The following EXOSC7 variants were observed in gnomAD, a reference collection of about 807,000 sequenced individuals.
The protein encoded by EXOSC7 is exosome component 7.
EXOSC7 carries 25 observed loss-of-function variants against 34.3 expected under a neutral mutation model. The ratio of observed to expected loss-of-function variants is 0.73; its 90% CI spans 0.53 to 1.02. EXOSC7 has a LOEUF of 1.02. Ranked by LOEUF, EXOSC7 falls within the 50% of genes least tolerant of loss-of-function variation. The pLI, the probability that EXOSC7 is intolerant of heterozygous loss-of-function variation, is 0.00. For missense variants in EXOSC7, 370 were observed against 368.5 expected (o/e 1.00, Z -0.03); for synonymous variants, 130 against 143.0 (o/e 0.91, Z 0.65).
intron 1 of EXOSC7, among the ~76,000 whole-genome samples, chr3:44,987,128 T>A (rs1171113779): frequency 1.3e-5 from 2 of 150,832 alleles, no homozygotes; most frequent in African/African-American, 4.9e-5. Context: ...TCTATAGTAT[T>A]CCACCCTTCA....
intron 1 of EXOSC7, among the ~76,000 whole-genome samples, chr3:44,980,740 A>C (rs1236742188): frequency 6.6e-6 from 1 of 151,508 alleles, no homozygotes; most frequent in Admixed American, 6.6e-5. Flanking sequence ...GACACCTCCC[A>C]CTCCCCAGTT....
chr3:45,006,712 G>A (rs556082109), intron 6 of EXOSC7, among the ~76,000 whole-genome samples: 3 of 151,966 alleles, frequency 2.0e-5, no homozygotes, highest in East Asian at 3.9e-4. Flanking sequence ...CACCGCGCCC[G>A]GCCTTGTTTT....
intron 5 of EXOSC7, chr3:45,001,904 T>C: frequency 2.9e-6 from 1 of 341,544 alleles, no homozygotes; most frequent in African/African-American, 2.2e-5. Flanking sequence ...AGACACCACC[T>C]ACAGGCCAAC....
intron 3 of EXOSC7, among the ~76,000 whole-genome samples, chr3:44,993,180 C>T (rs767444997): frequency 1.4e-4 from 21 of 152,158 alleles, no homozygotes; most frequent in African/African-American, 5.1e-4. Flanking sequence ...AGATAACTCT[C>T]GCAGACACTT....
At chr3:44,977,786 C>T (rs1375004642) in intron 1 of EXOSC7, among the ~76,000 whole-genome samples, 1 of 152,210 alleles carries the variant, frequency 6.6e-6, no homozygotes, top group Non-Finnish European at 1.5e-5. Context: ...TTCTTTGTTA[C>T]CGGAGCTTAC....
intron 1 of EXOSC7, among the ~76,000 whole-genome samples, chr3:44,983,710 T>A (rs1706333802): frequency 1.3e-5 from 2 of 152,206 alleles, no homozygotes; most frequent in Admixed American, 1.3e-4. Flanking sequence ...GAGCTTTTAC[T>A]TCAGGGTAAC....
intron 1 of EXOSC7, among the ~76,000 whole-genome samples, chr3:44,982,839 A>G (rs1393508494): frequency 1.3e-5 from 2 of 152,198 alleles, no homozygotes; most frequent in Admixed American, 1.3e-4. Context: ...CTTTCAGAGG[A>G]ATGCCTGGCT....
chr3:45,009,970 T>C (rs1363438904), intron 7 of EXOSC7, among the ~76,000 whole-genome samples: 1 of 152,210 alleles, frequency 6.6e-6, no homozygotes, highest in African/African-American at 2.4e-5. Context: ...TCATCCCATG[T>C]TACAGTTAGG....
intron 3 of EXOSC7, among the ~76,000 whole-genome samples, chr3:44,994,690 G>A (rs747649484): frequency 6.6e-6 from 1 of 151,970 alleles, no homozygotes; most frequent in Admixed American, 6.5e-5. Context: ...GTTGCTTAAA[G>A]CATTGTACCC....
chr3:45,005,534 G>C (rs1707011491), intron 6 of EXOSC7, 120 bp downstream of exon 6: 2 of 935,044 alleles, frequency 2.1e-6, no homozygotes, highest in Non-Finnish European at 1.5e-6. Context: ...TATAGAAGTA[G>C]CTTTTACCCA....
chr3:44,982,588 T>G (rs890742157), intron 1 of EXOSC7, among the ~76,000 whole-genome samples: 44 of 152,234 alleles, frequency 2.9e-4, no homozygotes, highest in Non-Finnish European at 8.8e-5. Context: ...CTGTGGATCT[T>G]GCTTTCATCA....
intron 1 of EXOSC7, among the ~76,000 whole-genome samples, chr3:44,988,064 A>C (rs1302933808): frequency 6.6e-6 from 1 of 152,224 alleles, no homozygotes; most frequent in African/African-American, 2.4e-5. Flanking sequence ...CTCCAACAGC[A>C]ATGAACTTAG....
intron 5 of EXOSC7, chr3:45,005,078 C>T: frequency 3.7e-6 from 2 of 536,348 alleles, no homozygotes; most frequent in East Asian, 3.0e-5. Context: ...TCTGATTGAC[C>T]CAGCATCATT....
intron 1 of EXOSC7, among the ~76,000 whole-genome samples, chr3:44,983,121 A>G (rs891239889): frequency 6.6e-6 from 1 of 152,198 alleles, no homozygotes; most frequent in Non-Finnish European, 1.5e-5. Flanking sequence ...GGTAGCGCCA[A>G]CTTGTCAGTT....
At position 44,997,139 on chromosome 3, in the gene EXOSC7, A is replaced by C; in HGVS notation, c.307A>C (p.Thr103Pro). 1 of 1,613,998 alleles carries C rather than the reference A, an allele frequency of 6.2e-7. No individual in the cohort carries two copies. Among genetic ancestry groups the C allele is most frequent in the Admixed American group, 1.7e-5 (1 of 60,014 alleles). The part of the protein sequence containing the change: ...FEGRGGDDLG[T>P]EIANTLYRIF... ...AGGTAGAGGAGGTGATGACCTTGGC[A>C]CCGAGATCGCTAACACCCTCTATCG... Residue 103 changes from threonine to proline, a missense_variant, in exon 4 of 8, where the codon ACC becomes CCC. Coordinates refer to ENST00000265564, the MANE Select transcript of EXOSC7 (RefSeq NM_015004.4).
chr3:45,010,078 A>G (rs989782579), intron 7 of EXOSC7, among the ~76,000 whole-genome samples: 4 of 152,206 alleles, frequency 2.6e-5, no homozygotes, highest in African/African-American at 9.6e-5. Context: ...TTTTTATCTC[A>G]ACATTGTTGA....
chr3:45,001,077 C>T (rs1407138986), intron 4 of EXOSC7, among the ~76,000 whole-genome samples: 4 of 152,020 alleles, frequency 2.6e-5, no homozygotes, highest in Admixed American at 2.6e-4. Context: ...CACATGTTAT[C>T]TTTATTTTAT....
intron 7 of EXOSC7, among the ~76,000 whole-genome samples, chr3:45,007,816 AC>A (rs917944076): frequency 1.3e-3 from 201 of 151,740 alleles, no homozygotes; most frequent in African/African-American, 4.6e-3. Flanking sequence ...CTCAGTAAGT[AC>A]CCCCCATCTC....
At position 45,001,557 on chromosome 3, in the gene EXOSC7, ATTTG is replaced by A; in HGVS notation, c.445_448del (p.Phe149MetfsTer7). 3 of 1,613,652 alleles carry A rather than the reference ATTTG, an allele frequency of 1.9e-6. No homozygotes were observed. The highest frequency in any genetic ancestry group is 2.5e-6 in the Non-Finnish European group (3 of 1,179,664). Reference sequence around the variant, plus strand: ...CCTTAGCTTCTGGAATGTGGTGGAAATTTGTTTGATGCCATTTCCATTGCTGTAA... The same window carrying A: ...CCTTAGCTTCTGGAATGTGGTGGAAATTTGATGCCATTTCCATTGCTGTAA... On this transcript the variant is annotated frameshift_variant, in exon 5 of 8. Transcript: ENST00000265564. LOFTEE classifies it high-confidence loss of function.
Sources: gnomAD v4.1 joint callset for allele counts (sites outside exome capture counted in the v4.1 genomes callset) on GRCh38, gnomAD v4.1.1 for gene constraint, MANE v1.5 for transcripts, NCBI Gene and HGNC (gene_info 2026-07-23, HGNC 2026-07-21) for gene names.